Variants in TMEM72 observed in about 807,000 individuals in gnomAD.
TMEM72 encodes the protein transmembrane protein 72.
In TMEM72, 9 loss-of-function variants were observed where a neutral mutation model predicts 16.3. That is an observed-to-expected ratio of 0.55 (90% CI 0.33 to 0.96). The LOEUF is 0.96. Among genes scored for constraint, TMEM72 ranks in the 40% least tolerant of loss-of-function variants. The pLI, the probability that TMEM72 is intolerant of heterozygous loss-of-function variation, is 0.03. For missense variants in TMEM72, 324 were observed against 337.8 expected (o/e 0.96, Z 0.32); for synonymous variants, 160 against 146.5 (o/e 1.09, Z -0.66).
Position 44,932,076 on chromosome 10 carries a change from A to C in TMEM72, c.209+7A>C. On this transcript the variant is annotated splice_region_variant and intron_variant, in intron 3 of 4. Transcript: ENST00000389583. ...TGCTGGCCATCTGCTTCCAGTAAGT[A>C]GTTTCCAGAGAGACCCCTCCATTGT... is the stretch of plus-strand genomic sequence containing the variant. 8.7e-6 allele frequency: 14 copies of C among 1,611,914 alleles called. No homozygotes were observed. Among genetic ancestry groups the C allele is most frequent in the Non-Finnish European group, 1.2e-5 (14 of 1,179,110 alleles).
chr10:44,928,956 AT>A (rs1361938407), intron 2 of TMEM72, among the ~76,000 whole-genome samples: 3 of 152,240 alleles, frequency 2.0e-5, no homozygotes, highest in Non-Finnish European at 2.9e-5. Context: ...AAAGAAATAT[AT>A]ATTTGAGCTT....
intron 3 of TMEM72, among the ~76,000 whole-genome samples, chr10:44,933,058 T>C (rs1409667631): frequency 1.3e-5 from 2 of 152,206 alleles, no homozygotes; most frequent in African/African-American, 4.8e-5. Flanking sequence ...TTGCCCCCTG[T>C]GAAACATGGA....
chr10:44,926,103 A>G (rs1840185580), intron 1 of TMEM72, among the ~76,000 whole-genome samples: 1 of 151,914 alleles, frequency 6.6e-6, no homozygotes, highest in Non-Finnish European at 1.5e-5. Flanking sequence ...GAACTTACAT[A>G]CACACCCACA....
chr10:44,921,209 T>C (rs1347899234), intron 1 of TMEM72, among the ~76,000 whole-genome samples: 1 of 152,194 alleles, frequency 6.6e-6, no homozygotes, highest in African/African-American at 2.4e-5. Flanking sequence ...CAAGGTGCGA[T>C]GCAAGGCACC....
Position 44,934,782 on chromosome 10 carries a change from C to T in TMEM72, c.476C>T (p.Thr159Ile), listed in dbSNP as rs547750430. 2.5e-6 allele frequency: 4 copies of T among 1,613,602 alleles called. No homozygotes were observed. The highest frequency in any genetic ancestry group is 1.6e-4 in the Middle Eastern group (1 of 6,062). ...YTDPSSSAVS[T>I]TGSGDTEQTY... is the part of the protein sequence containing the mutation. ...GACCCCTCTAGCAGCGCTGTGAGCA[C>T]CACCGGCTCTGGGGACACAGAGCAA... Residue 159 changes from threonine to isoleucine, a missense_variant, in exon 5 of 5, where the codon ACC becomes ATC. By Grantham distance (89) the Thr-to-Ile change is moderately conservative. Coordinates refer to ENST00000389583, the MANE Select transcript of TMEM72 (RefSeq NM_001123376.3).
chr10:44,916,228 C>T (rs977217419), intron 1 of TMEM72, among the ~76,000 whole-genome samples: 2 of 152,160 alleles, frequency 1.3e-5, no homozygotes, highest in African/African-American at 2.4e-5. Flanking sequence ...GTGAACTCTG[C>T]TTGTCAGGCT....
rs528744836 is a variant in TMEM72 at position 44,920,893 on chromosome 10, G to T, written c.71-7028G>T. On this transcript the variant is annotated intron_variant, in intron 1 of 4. Coordinates refer to ENST00000389583, the MANE Select transcript of TMEM72 (RefSeq NM_001123376.3). ...GCAGGCCCCATATTCTTTCTGCTCT[G>T]GTGCAGCCCCCTCCTAGCTTTCGTC... 1.5e-4 allele frequency among the ~76,000 whole-genome samples: 23 copies of T among 152,296 alleles called. No individual in the cohort carries two copies. The South Asian group carries it at 4.6e-3, about 30-fold the overall frequency.
At chr10:44,911,716 C>T in intron 1 of TMEM72, 134 bp downstream of exon 1, 5 of 957,308 alleles carry the variant, frequency 5.2e-6, no homozygotes, top group Middle Eastern at 2.2e-4. Context: ...TCCCAAGACC[C>T]CTAGAAACAC....
At position 44,927,956 on chromosome 10, in the gene TMEM72, G is replaced by A. The variant is rs777710608; in HGVS notation, c.106G>A (p.Gly36Ser). The A allele has an allele frequency of 6.2e-7, 1 of 1,613,622 alleles. No homozygotes were observed. The highest frequency in any genetic ancestry group is 8.5e-7 in the Non-Finnish European group (1 of 1,179,966). Residue 36 changes from glycine to serine, a missense_variant, in exon 2 of 5, where the codon GGC becomes AGC. Physicochemically the swap from Gly to Ser is moderately conservative, Grantham distance 56. Transcript: ENST00000389583. Reference protein sequence around the residue: ...IGVGTETFLQGQFKSLAFYLL... With the variant: ...IGVGTETFLQSQFKSLAFYLL... ...CGTGGGCACTGAGACCTTCCTCCAG[G>A]GCCAGTTCAAAAGCCTGGCTTTCTA...
Position 44,933,791 on chromosome 10 carries a change from G to A in TMEM72, c.349+15G>A, listed in dbSNP as rs780441863. On this transcript the variant is annotated intron_variant, in intron 4 of 4. Transcript: ENST00000389583. ...GACCATCCCAGGTAAGAGCACAGGG[G>A]TAGAGATATGCAGCCCCAGCACAGG... 4.4e-6 allele frequency: 7 copies of A among 1,606,110 alleles called. No homozygotes were observed. Among genetic ancestry groups the A allele is most frequent in the East Asian group, 4.5e-5 (2 of 44,674 alleles).
chr10:44,923,407 C>T (rs1331178254), intron 1 of TMEM72, among the ~76,000 whole-genome samples: 1 of 151,934 alleles, frequency 6.6e-6, no homozygotes, highest in East Asian at 1.9e-4. Context: ...CTCCCTCTCT[C>T]TTTTTACAAG....
Position 44,920,977 on chromosome 10 carries a change from G to A in TMEM72, c.71-6944G>A, listed in dbSNP as rs369093414. ...AGGATACTCACACAGTGGCTGCCCTGCCCAGGGCTGTACCACAGGCTCTTG... is the reference window on the plus strand; with the variant it reads ...AGGATACTCACACAGTGGCTGCCCTACCCAGGGCTGTACCACAGGCTCTTG... On this transcript the variant is annotated intron_variant, in intron 1 of 4. Coordinates refer to ENST00000389583, the MANE Select transcript of TMEM72 (RefSeq NM_001123376.3). 1.1e-4 allele frequency among the ~76,000 whole-genome samples: 17 copies of A among 152,278 alleles called. No individual in the cohort carries two copies. In the East Asian group the frequency reaches 1.9e-3, roughly 17 times the overall value.
Position 44,911,491 on chromosome 10 carries a change from C to G in TMEM72, c.-22C>G. 1 of 1,549,964 alleles carries G rather than the reference C, an allele frequency of 6.5e-7. No homozygotes were observed. The highest frequency in any genetic ancestry group is 8.7e-7 in the Non-Finnish European group (1 of 1,146,714). ...GACTTTGCTGCCTGCCCTGCCAGGA[C>G]TTTGTCCTCACCCCTGGCACCATGC... is the stretch of plus-strand genomic sequence containing the variant. On this transcript the variant is annotated 5_prime_UTR_variant, in exon 1 of 5. Transcript: ENST00000389583.
chr10:44,922,207 C>T (rs1420185398), intron 1 of TMEM72, among the ~76,000 whole-genome samples: 1 of 152,172 alleles, frequency 6.6e-6, no homozygotes, highest in Non-Finnish European at 1.5e-5. Flanking sequence ...GGGCTGTCCT[C>T]ATCCACAGGT....
At chr10:44,917,896 C>T (rs1028939356) in intron 1 of TMEM72, among the ~76,000 whole-genome samples, 3 of 152,158 alleles carry the variant, frequency 2.0e-5, no homozygotes, top group Non-Finnish European at 4.4e-5. Context: ...AGAAATTTCT[C>T]CTGTGGGCCT....
In TMEM72 at chr10:44,917,343, C is replaced by T. The variant is rs1005223902; in HGVS notation, c.70+5761C>T. On this transcript the variant is annotated intron_variant, in intron 1 of 4. Coordinates refer to ENST00000389583, the MANE Select transcript of TMEM72 (RefSeq NM_001123376.3). ...AACTGTGTAGCATGAGTTATCAGCT[C>T]CTTTTGTTGGAAGGAAGAAGAAGGA... Among the ~76,000 whole-genome samples the T allele has an allele frequency of 7.2e-5, 11 of 152,076 alleles. 1 individual carries two copies. The highest frequency in any genetic ancestry group is 1.3e-4 in the Non-Finnish European group (9 of 68,026).
intron 2 of TMEM72, among the ~76,000 whole-genome samples, chr10:44,930,767 C>A (rs999281429): frequency 5.3e-5 from 8 of 152,080 alleles, no homozygotes; most frequent in African/African-American, 1.9e-4. Flanking sequence ...CAAGCATGGT[C>A]CTAAGTGCTT....
chr10:44,933,323 C>T (rs1227342188), intron 3 of TMEM72, among the ~76,000 whole-genome samples: 1 of 152,248 alleles, frequency 6.6e-6, no homozygotes, highest in African/African-American at 2.4e-5. Context: ...TTAGTGCAGA[C>T]TTCCCAGTGA....
At chr10:44,933,946 A>C (rs909145657) in intron 4 of TMEM72, among the ~76,000 whole-genome samples, 170 bp downstream of exon 4, 4 of 151,910 alleles carry the variant, frequency 2.6e-5, no homozygotes, top group African/African-American at 9.7e-5. Flanking sequence ...TGCCAGACAT[A>C]CTCCATGCTG....
Sources: allele counts gnomAD v4.1 joint callset (sites outside exome capture counted in the v4.1 genomes callset), GRCh38; gene constraint gnomAD v4.1.1; transcripts MANE v1.5; gene names NCBI Gene and HGNC (gene_info 2026-07-23, HGNC 2026-07-21).